GATAD2B: variants seen among roughly 807,000 people sequenced by gnomAD.
GATAD2B encodes GATA zinc finger domain containing 2B, also known as transcriptional repressor p66-beta.
Under a neutral mutation model 64.3 loss-of-function variants are expected in GATAD2B, and 8 were observed. That is an observed-to-expected ratio of 0.12 (90% CI 0.07 to 0.22). The LOEUF is 0.22. Among genes scored for constraint, GATAD2B ranks in the 10% least tolerant of loss-of-function variants. GATAD2B has a pLI of 1.00. For synonymous variants in GATAD2B, 281 were observed against 271.3 expected (o/e 1.04, Z -0.35); for missense variants, 453 against 752.0 (o/e 0.60, Z 4.65).
Position 153,810,016 on chromosome 1 carries a change from G to GT in GATAD2B, c.*160dup, listed in dbSNP as rs1674239552. On this transcript the variant is annotated 3_prime_UTR_variant, in exon 11 of 11. Transcript: ENST00000368655. ...AAGGGGAGGTGGCAGGGCAGGGCGT[G>GT]TGTTTTCTTGCTGATCTCTATTTTT... 1 of 653,532 alleles carries GT rather than the reference G, an allele frequency of 1.5e-6. No homozygotes were observed. 40.5% of individuals were successfully genotyped at this position (653,532 alleles called of 1,614,324 possible).
At chr1:153,843,960 G>T (rs1489514064) in intron 1 of GATAD2B, among the ~76,000 whole-genome samples, 1 of 152,162 alleles carries the variant, frequency 6.6e-6, no homozygotes. Flanking sequence ...ATTGCCTTAA[G>T]AGAGTTTCCA....
At chr1:153,850,648 G>A (rs528077555) in intron 1 of GATAD2B, among the ~76,000 whole-genome samples, 162 of 152,122 alleles carry the variant, frequency 1.1e-3, no homozygotes, top group African/African-American at 3.4e-3. Context: ...GGCCAGGTGC[G>A]GTGGCTCACA....
At chr1:153,852,370 C>T in intron 1 of GATAD2B, 1 of 849,316 alleles carries the variant, frequency 1.2e-6, no homozygotes, top group South Asian at 1.3e-5. Flanking sequence ...TGCCATCACC[C>T]TCATATGCTT....
At chr1:153,813,944 C>A (rs182910105) in intron 7 of GATAD2B, among the ~76,000 whole-genome samples, 3 of 152,344 alleles carry the variant, frequency 2.0e-5, no homozygotes, top group East Asian at 3.9e-4. Flanking sequence ...TGCCAGTGCA[C>A]TCCAGCCTGG....
intron 2 of GATAD2B, among the ~76,000 whole-genome samples, chr1:153,827,021 G>A (rs1459325799): frequency 1.3e-5 from 2 of 148,826 alleles, no homozygotes; most frequent in African/African-American, 5.0e-5. Context: ...TGAGGAGGGA[G>A]GACCACTTGA....
In GATAD2B at chr1:153,816,012, C is replaced by T. The variant is rs1430403449; in HGVS notation, c.1216+261G>A. Among the ~76,000 whole-genome samples, 4 of 151,508 alleles carry T rather than the reference C, an allele frequency of 2.6e-5. No homozygotes were observed. Among genetic ancestry groups the T allele is most frequent in the Non-Finnish European group, 4.4e-5 (3 of 67,942 alleles). On this transcript the variant is annotated intron_variant, in intron 7 of 10. Coordinates refer to ENST00000368655, the MANE Select transcript of GATAD2B (RefSeq NM_020699.4). This position sits in a 1 kb window ranked among gnomAD's most constrained non-coding sequence, Gnocchi z 4.9. Reference sequence around the variant, plus strand: ...AGGTTGCAGTGAACTGAGATTGTGCCACTGCACTCCAGCCTGGGCAACAGA... The same window carrying T: ...AGGTTGCAGTGAACTGAGATTGTGCTACTGCACTCCAGCCTGGGCAACAGA...
intron 1 of GATAD2B, among the ~76,000 whole-genome samples, chr1:153,880,003 A>G (rs1017366600): frequency 3.3e-5 from 5 of 152,154 alleles, no homozygotes; most frequent in Non-Finnish European, 7.3e-5. Context: ...AGAATACCGC[A>G]TTTTGATAAT....
chr1:153,811,979 T>G, intron 9 of GATAD2B, 43 bp downstream of exon 9: 1 of 1,359,810 alleles, frequency 7.4e-7, no homozygotes, highest in Admixed American at 1.7e-5. Flanking sequence ...AAATGGCTGA[T>G]AAATCTTCTA....
Position 153,813,560 on chromosome 1 carries a change from G to A in GATAD2B, c.1217-108C>T. 6 of 738,450 alleles carry A rather than the reference G, an allele frequency of 8.1e-6. No homozygotes were observed. In the Admixed American group the frequency reaches 1.1e-4, roughly 13 times the overall value. 45.7% of individuals were successfully genotyped at this position (738,450 alleles called of 1,614,324 possible). A position where few individuals can be genotyped will look rare whatever the true frequency, so the allele number is the denominator to read the frequency against. On this transcript the variant is annotated intron_variant, in intron 7 of 10. Transcript: ENST00000368655. ...TTTATTCTGTTGAATTAAAGAAAGAGACTTTACAAAAAGGATATTCTATAA... is the reference window on the plus strand; with the variant it reads ...TTTATTCTGTTGAATTAAAGAAAGAAACTTTACAAAAAGGATATTCTATAA...
intron 1 of GATAD2B, among the ~76,000 whole-genome samples, chr1:153,868,393 A>G (rs1676548732): frequency 6.7e-6 from 1 of 148,254 alleles, no homozygotes; most frequent in African/African-American, 2.5e-5. Context: ...AATAGCAGAC[A>G]GCTGGATTCT....
At chr1:153,844,203 C>T (rs1309584437) in intron 1 of GATAD2B, among the ~76,000 whole-genome samples, 5 of 151,838 alleles carry the variant, frequency 3.3e-5, no homozygotes, top group Non-Finnish European at 5.9e-5. Context: ...GGAAACTATC[C>T]AAGACTGGGG....
intron 6 of GATAD2B, among the ~76,000 whole-genome samples, chr1:153,817,060 A>C (rs1040297643): frequency 6.6e-5 from 10 of 152,126 alleles, no homozygotes; most frequent in Non-Finnish European, 1.5e-5. Flanking sequence ...AACAAACAAA[A>C]AAGAGACAGA....
At chr1:153,867,875 A>G (rs1304055740) in intron 1 of GATAD2B, among the ~76,000 whole-genome samples, 2 of 151,870 alleles carry the variant, frequency 1.3e-5, no homozygotes, top group Non-Finnish European at 1.5e-5. Flanking sequence ...ACAACAAAAA[A>G]AAGAGTCACC....
At chr1:153,896,064 G>A (rs1455426015) in intron 1 of GATAD2B, among the ~76,000 whole-genome samples, 1 of 151,502 alleles carries the variant, frequency 6.6e-6, no homozygotes, top group Non-Finnish European at 1.5e-5. Flanking sequence ...TCAGGAGGAA[G>A]TGGGAGGATC....
At chr1:153,817,267 T>G in intron 6 of GATAD2B, 105 bp downstream of exon 6, 1 of 1,102,298 alleles carries the variant, frequency 9.1e-7, no homozygotes, top group Admixed American at 2.8e-5. Context: ...ATTTTTGTCC[T>G]AGAGTTTATC....
At chr1:153,851,714 T>C (rs1191185192) in intron 1 of GATAD2B, among the ~76,000 whole-genome samples, 2 of 152,138 alleles carry the variant, frequency 1.3e-5, no homozygotes, top group Non-Finnish European at 2.9e-5. Flanking sequence ...CATCATGAGA[T>C]AAATCAGTAA....
chr1:153,882,135 A>C (rs748876766), intron 1 of GATAD2B, among the ~76,000 whole-genome samples: 2 of 152,132 alleles, frequency 1.3e-5, no homozygotes, highest in Non-Finnish European at 2.9e-5. Flanking sequence ...TGGTACAAAA[A>C]AGTCTGTTAG....
chr1:153,852,073 A>T, intron 1 of GATAD2B: 1 of 541,328 alleles, frequency 1.8e-6, no homozygotes, highest in Non-Finnish European at 3.4e-6. Flanking sequence ...GGCTGGCCGC[A>T]TCATTCACTG....
intron 1 of GATAD2B, among the ~76,000 whole-genome samples, chr1:153,919,612 G>C (rs1678368411): frequency 6.6e-6 from 1 of 152,118 alleles, no homozygotes; most frequent in African/African-American, 2.4e-5. Flanking sequence ...GCTAATAGAA[G>C]ATACACCACA....
Sources: allele counts gnomAD v4.1 joint callset (sites outside exome capture counted in the v4.1 genomes callset), GRCh38; gene constraint gnomAD v4.1.1; non-coding constraint Gnocchi (gnomAD v3.1); transcripts MANE v1.5; gene names NCBI Gene and HGNC (gene_info 2026-07-23, HGNC 2026-07-21).